Variants in NRXN3 observed in about 807,000 individuals in gnomAD.
The protein encoded by NRXN3 is neurexin III.
NRXN3 carries 32 observed loss-of-function variants against 137.6 expected under a neutral mutation model. That is an observed-to-expected ratio of 0.23 (90% confidence interval 0.18 to 0.31). NRXN3 has a LOEUF of 0.31. Ranked by LOEUF, NRXN3 falls within the 10% of genes least tolerant of loss-of-function variation. The pLI is 1.00. For missense variants in NRXN3, 1,574 were observed against 2,062.5 expected, an observed-to-expected ratio of 0.76 and a Z score of 4.59; for synonymous variants, 798 against 784.5, an observed-to-expected ratio of 1.02 and a Z score of -0.29.
At chr14:78,807,156 A>G (rs572805957) in intron 9 of NRXN3, among the ~76,000 whole-genome samples, 5 of 152,236 alleles carry the variant, frequency 3.3e-5, no homozygotes, top group African/African-American at 7.2e-5. Context: ...GAGAATCTCC[A>G]TTTTCCTCAG....
At chr14:78,433,498 A>G (rs977927725) in intron 4 of NRXN3, among the ~76,000 whole-genome samples, 17 of 152,166 alleles carry the variant, frequency 1.1e-4, no homozygotes, top group Admixed American at 2.6e-4. Context: ...TTAGTCCCCA[A>G]TGCAACAATG....
intron 3 of NRXN3, among the ~76,000 whole-genome samples, chr14:78,288,874 G>T (rs898805342): frequency 1.3e-5 from 2 of 152,188 alleles, no homozygotes; most frequent in African/African-American, 2.4e-5. Context: ...GAAGCTGTTG[G>T]TTACTCATGG....
At chr14:79,131,247 A>G (rs1030763186) in intron 15 of NRXN3, among the ~76,000 whole-genome samples, 4 of 152,146 alleles carry the variant, frequency 2.6e-5, no homozygotes, top group South Asian at 4.2e-4. Flanking sequence ...GGAGGAGGAG[A>G]GGTGCTCTGC....
intron 19 of NRXN3, among the ~76,000 whole-genome samples, chr14:79,799,322 C>T (rs1313708347): frequency 6.6e-6 from 1 of 152,120 alleles, no homozygotes; most frequent in Non-Finnish European, 1.5e-5. Flanking sequence ...ATATTTTTCT[C>T]CCCTTGAGAA....
At chr14:79,130,666 C>T (rs1221324817) in intron 15 of NRXN3, among the ~76,000 whole-genome samples, 1 of 152,098 alleles carries the variant, frequency 6.6e-6, no homozygotes, top group Non-Finnish European at 1.5e-5. Context: ...CTTGGAGTTG[C>T]TCTTCTCGAG....
rs140019897 is a variant in NRXN3, at chr14:78,643,643, A to G, written c.758-1477A>G. 7.1e-4 allele frequency among the ~76,000 whole-genome samples: 108 copies of G among 152,320 alleles called. 1 individual carries two copies. The highest frequency in any genetic ancestry group is 2.5e-3 in the African/African-American group (105 of 41,574). ...GAGTTCTGCATTGGGAAATAGCAGC[A>G]CAAGGGGAACCAGCCAACCCCTAGT... On this transcript the variant is annotated intron_variant, in intron 4 of 20. Coordinates refer to ENST00000335750, the MANE Select transcript of NRXN3 (RefSeq NM_001330195.2).
rs145233573 is a variant in NRXN3 at position 79,612,856 on chromosome 14, A to G, written c.3445-50922A>G. 2.0e-5 allele frequency among the ~76,000 whole-genome samples: 3 copies of G among 152,334 alleles called. No homozygotes were observed. The East Asian group carries it at 5.8e-4, about 29-fold the overall frequency. On this transcript the variant is annotated intron_variant, in intron 16 of 20. Coordinates refer to ENST00000335750, the MANE Select transcript of NRXN3 (RefSeq NM_001330195.2). ...GCAAAATCCTGTCTCTAAAATAATA[A>G]TAATTTTAAAATAAAAATAAAATGC...
chr14:79,610,503 A>G (rs1010416503), intron 16 of NRXN3, among the ~76,000 whole-genome samples: 4 of 152,238 alleles, frequency 2.6e-5, no homozygotes, highest in African/African-American at 7.2e-5. Flanking sequence ...ACTGGCTACT[A>G]CGTGCCAGCC....
At position 78,813,086 on chromosome 14, in the gene NRXN3, C is replaced by T. The variant is rs867920025; in HGVS notation, c.2275+2742C>T. ...TATGGAGTAAAAGTTTAAATTGAAA[C>T]CAAGTTGATATATTATGCAGAAGAA... On this transcript the variant is annotated intron_variant, in intron 10 of 20. Coordinates refer to ENST00000335750, the MANE Select transcript of NRXN3 (RefSeq NM_001330195.2). Among the ~76,000 whole-genome samples, 9 of 152,028 alleles carry T rather than the reference C, an allele frequency of 5.9e-5. No individual in the cohort carries two copies. In the South Asian group the frequency reaches 1.7e-3, roughly 28 times the overall value.
intron 4 of NRXN3, among the ~76,000 whole-genome samples, chr14:78,621,700 C>T (rs986814376): frequency 6.6e-6 from 1 of 152,050 alleles, no homozygotes; most frequent in African/African-American, 2.4e-5. Context: ...TACTGTCGTC[C>T]TTGTTTGAAT....
At chr14:79,531,391 G>T (rs562362543) in intron 16 of NRXN3, among the ~76,000 whole-genome samples, 2 of 152,274 alleles carry the variant, frequency 1.3e-5, no homozygotes, top group South Asian at 4.1e-4. Context: ...TCAACTTAAT[G>T]AAGGGTAGAA....
intron 15 of NRXN3, among the ~76,000 whole-genome samples, chr14:79,182,912 C>A (rs2063096962): frequency 6.6e-6 from 1 of 151,920 alleles, no homozygotes; most frequent in Non-Finnish European, 1.5e-5. Context: ...AAAATTATAT[C>A]ATTGATTAAA....
intron 4 of NRXN3, among the ~76,000 whole-genome samples, chr14:78,630,149 G>A (rs2097505759): frequency 6.6e-6 from 1 of 152,272 alleles, no homozygotes; most frequent in African/African-American, 2.4e-5. Flanking sequence ...GGGATGGCTG[G>A]TTATTCTACT....
chr14:79,212,466 T>A (rs563312502), intron 15 of NRXN3, among the ~76,000 whole-genome samples: 1 of 152,306 alleles, frequency 6.6e-6, no homozygotes, highest in Admixed American at 6.5e-5. Context: ...GAAGGTGTTA[T>A]GAAAACAGAG....
At chr14:79,424,167 A>G (rs540072402) in intron 15 of NRXN3, among the ~76,000 whole-genome samples, 43 of 152,318 alleles carry the variant, frequency 2.8e-4, no homozygotes, top group Admixed American at 7.2e-4. Context: ...GTTATTTAAA[A>G]CACAGACACA....
chr14:78,707,740 G>A (rs2098368090), intron 6 of NRXN3, among the ~76,000 whole-genome samples: 2 of 152,098 alleles, frequency 1.3e-5, no homozygotes, highest in South Asian at 4.1e-4. Context: ...CAAAGTCCAT[G>A]TATCATTCTT....
At chr14:79,290,334 G>A (rs1360773224) in intron 15 of NRXN3, among the ~76,000 whole-genome samples, 2 of 152,114 alleles carry the variant, frequency 1.3e-5, no homozygotes, top group Admixed American at 1.3e-4. Flanking sequence ...GATAGAGCAC[G>A]GTATTAAACT....
chr14:79,406,126 C>T (rs1230942836), intron 15 of NRXN3, among the ~76,000 whole-genome samples: 2 of 152,074 alleles, frequency 1.3e-5, no homozygotes, highest in Non-Finnish European at 2.9e-5. Context: ...TTCCCTATCA[C>T]CATAGTTGCC....
At chr14:78,384,666 C>A (rs936363735) in intron 4 of NRXN3, among the ~76,000 whole-genome samples, 5 of 152,106 alleles carry the variant, frequency 3.3e-5, no homozygotes, top group Non-Finnish European at 7.4e-5. Context: ...TCCTATTCTG[C>A]CCCCTCCCCA....
Sources: gnomAD v4.1 joint callset for allele counts (sites outside exome capture counted in the v4.1 genomes callset) on GRCh38, gnomAD v4.1.1 for gene constraint, MANE v1.5 for transcripts, NCBI Gene and HGNC (gene_info 2026-07-23, HGNC 2026-07-21) for gene names.